NOPCHAP1: variants seen among roughly 807,000 people sequenced by gnomAD.
NOPCHAP1 encodes NOP protein chaperone 1.
A neutral mutation model predicts 14.0 loss-of-function variants in NOPCHAP1; 13 were observed. That is an observed-to-expected ratio of 0.93 (90% confidence interval 0.60 to 1.47). The LOEUF is 1.47. Among genes scored for constraint, NOPCHAP1 ranks in the 40% most tolerant of loss-of-function variants. The probability of loss-of-function intolerance (pLI) is 0.00; values close to 1 mark genes in which losing one functional copy is unlikely to be tolerated. For missense variants in NOPCHAP1, 230 were observed against 226.9 expected (o/e 1.01, Z -0.09); for synonymous variants, 78 against 78.4 (o/e 1.00, Z 0.03).
At position 105,013,912 on chromosome 12, in the gene NOPCHAP1, C is replaced by T. The variant is rs117181545; in HGVS notation, c.*19216C>T. The T allele has an allele frequency of 5.2e-3, 800 of 152,698 alleles. 23 individuals are homozygous for T. In the East Asian group the frequency reaches 0.092, roughly 18 times the overall value. The allele number at this position is 152,698 out of a possible 1,614,324, so 9.5% of individuals were successfully genotyped here. A position where few individuals can be genotyped will look rare whatever the true frequency, so the allele number is the denominator to read the frequency against. On this transcript the variant is annotated 3_prime_UTR_variant, in exon 4 of 4. Transcript: ENST00000552951. ...ACCTCAGTTGGAAATGCAGAAATCG[C>T]TTGCCTTCTGCGTTGATCTCGCTGG...
In NOPCHAP1 at chr12:104,988,096, A is replaced by C. The variant is rs183907501; in HGVS notation, c.116-71A>C. On this transcript the variant is annotated intron_variant, in intron 1 of 3. Coordinates refer to ENST00000552951, the MANE Select transcript of NOPCHAP1 (RefSeq NM_152318.3). ...CAAGTCTTAAGACTGGTCATGTGAG[A>C]GGCTTACTGATGGGCCTTTGTTTTT... The C allele has an allele frequency of 4.7e-5, 58 of 1,235,520 alleles. No individual in the cohort carries two copies. The East Asian group carries it at 9.6e-4, about 20-fold the overall frequency. 76.5% of individuals were successfully genotyped at this position (1,235,520 alleles called of 1,614,324 possible). A position where few individuals can be genotyped will look rare whatever the true frequency, so the allele number is the denominator to read the frequency against.
rs937394808 is a variant in NOPCHAP1, at chr12:105,002,914, TG to T, written c.*8219del. 1.3e-5 allele frequency: 2 copies of T among 152,236 alleles called. No homozygotes were observed. The highest frequency in any genetic ancestry group is 4.8e-5 in the African/African-American group (2 of 41,452). The allele number at this position is 152,236 out of a possible 1,614,324, so 9.4% of individuals were successfully genotyped here. A position where few individuals can be genotyped will look rare whatever the true frequency, so the allele number is the denominator to read the frequency against. On this transcript the variant is annotated 3_prime_UTR_variant, in exon 4 of 4. Transcript: ENST00000552951. The stretch of plus-strand genomic sequence containing the variant: ...AGAGAATCCCATTTTGTAAGGCATT[TG>T]TCTAACTTGCCTTTTCTCATTATCT...
chr12:104,999,160 A>G lies in NOPCHAP1; in HGVS notation c.*4464A>G, dbSNP rs953711556. 2.0e-5 allele frequency: 3 copies of G among 152,284 alleles called. No homozygotes were observed. Among genetic ancestry groups the G allele is most frequent in the African/African-American group, 7.2e-5 (3 of 41,416 alleles). The allele number at this position is 152,284 out of a possible 1,614,324, so 9.4% of individuals were successfully genotyped here. A position where few individuals can be genotyped will look rare whatever the true frequency, so the allele number is the denominator to read the frequency against. The stretch of plus-strand genomic sequence containing the variant: ...GCAGTAGTGGCATGGCCAGGTGCAC[A>G]TGTACCCACACACTGGCAGGAAATT... On this transcript the variant is annotated 3_prime_UTR_variant, in exon 4 of 4. Transcript: ENST00000552951.
chr12:104,992,993 C>T (rs1592748491), intron 3 of NOPCHAP1, among the ~76,000 whole-genome samples: 2 of 152,238 alleles, frequency 1.3e-5, no homozygotes, highest in Admixed American at 6.5e-5. Context: ...TCACTGCAGC[C>T]GGTCTTCTCC....
In NOPCHAP1 at chr12:104,988,990, G is replaced by A. The variant is rs146694732; in HGVS notation, c.202+737G>A. Among the ~76,000 whole-genome samples, 100 of 152,068 alleles carry A rather than the reference G, an allele frequency of 6.6e-4. 2 individuals are homozygous for A. The South Asian group carries it at 0.015, about 23-fold the overall frequency. On this transcript the variant is annotated intron_variant, in intron 2 of 3. Coordinates refer to ENST00000552951, the MANE Select transcript of NOPCHAP1 (RefSeq NM_152318.3). ...ATTACATACCTAGGAGTGGAATTGC[G>A]GGTATATAGAAGGTGTAATTTTTTT...
rs1265138123 is a variant in NOPCHAP1, at chr12:105,011,109, C to CT, written c.*16414dup. On this transcript the variant is annotated 3_prime_UTR_variant, in exon 4 of 4. Coordinates refer to ENST00000552951, the MANE Select transcript of NOPCHAP1 (RefSeq NM_152318.3). ...TCTCCCACTATTATTGTGTGGGAGT[C>CT]TAAGTCTCTTTGTAGGTCTCTAAGA... 3 of 152,148 alleles carry CT rather than the reference C, an allele frequency of 2.0e-5. No individual in the cohort carries two copies. Among genetic ancestry groups the CT allele is most frequent in the Non-Finnish European group, 4.4e-5 (3 of 68,042 alleles). 9.4% of individuals were successfully genotyped at this position (152,148 alleles called of 1,614,324 possible).
chr12:105,009,750 A>T lies in NOPCHAP1; in HGVS notation c.*15054A>T, dbSNP rs1041893759. ...GTGCTTTTTGTCATTGGTTCTGTTT[A>T]TGTGATGGATTATGTTTATTGATTT... is the stretch of plus-strand genomic sequence containing the variant. On this transcript the variant is annotated 3_prime_UTR_variant, in exon 4 of 4. Coordinates refer to ENST00000552951, the MANE Select transcript of NOPCHAP1 (RefSeq NM_152318.3). 2 of 152,170 alleles carry T rather than the reference A, an allele frequency of 1.3e-5. No individual in the cohort carries two copies. Among genetic ancestry groups the T allele is most frequent in the African/African-American group, 4.8e-5 (2 of 41,442 alleles). 9.4% of individuals were successfully genotyped at this position (152,170 alleles called of 1,614,324 possible).
At chr12:104,990,854 T>C (rs1254373203) in intron 2 of NOPCHAP1, among the ~76,000 whole-genome samples, 1 of 152,186 alleles carries the variant, frequency 6.6e-6, no homozygotes, top group East Asian at 1.9e-4. Flanking sequence ...AGAAATTATG[T>C]TGGCTCTTTT....
Position 104,994,818 on chromosome 12 carries a change from T to G in NOPCHAP1, c.*122T>G. ...TGGTGCTTTTATATGTTAAAAACTT[T>G]AGACAAGTTAAATTTGACAGAGTTT... On this transcript the variant is annotated 3_prime_UTR_variant, in exon 4 of 4. Coordinates refer to ENST00000552951, the MANE Select transcript of NOPCHAP1 (RefSeq NM_152318.3). The G allele has an allele frequency of 7.2e-6, 6 of 838,568 alleles. No individual in the cohort carries two copies. In the South Asian group the frequency reaches 9.4e-5, roughly 13 times the overall value. 51.9% of individuals were successfully genotyped at this position (838,568 alleles called of 1,614,324 possible). A position where few individuals can be genotyped will look rare whatever the true frequency, so the allele number is the denominator to read the frequency against.
Position 105,006,313 on chromosome 12 carries a change from A to AT in NOPCHAP1, c.*11623dup, listed in dbSNP as rs1434360347. 1 of 151,888 alleles carries AT rather than the reference A, an allele frequency of 6.6e-6. No homozygotes were observed. The highest frequency in any genetic ancestry group is 2.4e-5 in the African/African-American group (1 of 41,312). The allele number at this position is 151,888 out of a possible 1,614,324, so 9.4% of individuals were successfully genotyped here. ...AGTGTTCTCTTGCATAGCTTTGAAA[A>AT]TTTTTTCCATAGAGTATCATGTATA... is the stretch of plus-strand genomic sequence containing the variant. On this transcript the variant is annotated 3_prime_UTR_variant, in exon 4 of 4. Transcript: ENST00000552951.
chr12:105,002,623 T>C lies in NOPCHAP1; in HGVS notation c.*7927T>C, dbSNP rs1407350766. ...TTTTTCTAGGTCTCATTGGCCCTAC[T>C]CTTGATGAGGTTTTGGGGGAGTCTT... On this transcript the variant is annotated 3_prime_UTR_variant, in exon 4 of 4. Coordinates refer to ENST00000552951, the MANE Select transcript of NOPCHAP1 (RefSeq NM_152318.3). The C allele has an allele frequency of 6.6e-6, 1 of 152,226 alleles. No individual in the cohort carries two copies. Among genetic ancestry groups the C allele is most frequent in the Non-Finnish European group, 1.5e-5 (1 of 68,036 alleles). The allele number at this position is 152,226 out of a possible 1,614,324, so 9.4% of individuals were successfully genotyped here. A position where few individuals can be genotyped will look rare whatever the true frequency, so the allele number is the denominator to read the frequency against.
Position 105,006,346 on chromosome 12 carries a change from T to C in NOPCHAP1, c.*11650T>C, listed in dbSNP as rs939551584. On this transcript the variant is annotated 3_prime_UTR_variant, in exon 4 of 4. Transcript: ENST00000552951. ...CATAGAGTATCATGTATAATGAGCCTTAAAGGTCTTCATGATCCCCTGACC... is the reference window on the plus strand; with the variant it reads ...CATAGAGTATCATGTATAATGAGCCCTAAAGGTCTTCATGATCCCCTGACC... The C allele has an allele frequency of 2.0e-5, 3 of 152,214 alleles. No individual in the cohort carries two copies. The highest frequency in any genetic ancestry group is 7.2e-5 in the African/African-American group (3 of 41,444). 9.4% of individuals were successfully genotyped at this position (152,214 alleles called of 1,614,324 possible).
intron 1 of NOPCHAP1, among the ~76,000 whole-genome samples, chr12:104,987,007 C>T (rs1243023137): frequency 1.3e-5 from 2 of 152,164 alleles, no homozygotes; most frequent in African/African-American, 2.4e-5. Context: ...ATCCCAGCTC[C>T]ACTAGTAATT....
rs1331042587 is a variant in NOPCHAP1 at position 104,992,095 on chromosome 12, A to G, written c.339+247A>G. On this transcript the variant is annotated intron_variant, in intron 3 of 3. Transcript: ENST00000552951. ...AAGCATTAATTTACTCGATGTCCTA[A>G]CTGGGTTTTTTTCTGTCCAAGCCCC... 3.3e-5 allele frequency among the ~76,000 whole-genome samples: 5 copies of G among 152,210 alleles called. No individual in the cohort carries two copies. The East Asian group carries it at 9.6e-4, about 29-fold the overall frequency.
At chr12:104,991,510 A>G (rs1213407022) in intron 2 of NOPCHAP1, among the ~76,000 whole-genome samples, 1 of 152,228 alleles carries the variant, frequency 6.6e-6, no homozygotes, top group Non-Finnish European at 1.5e-5. Context: ...GAGAAACATA[A>G]AACATTTGTG....
rs892862771 is a variant in NOPCHAP1, at chr12:105,009,285, A to G, written c.*14589A>G. ...ATTTGGCTCTCTGTTATTGGTATAT[A>G]GGAATGCTTGTGATTTTTTGCACAT... is the stretch of plus-strand genomic sequence containing the variant. On this transcript the variant is annotated 3_prime_UTR_variant, in exon 4 of 4. Transcript: ENST00000552951. The G allele has an allele frequency of 1.3e-5, 2 of 152,144 alleles. No homozygotes were observed. Among genetic ancestry groups the G allele is most frequent in the African/African-American group, 4.8e-5 (2 of 41,432 alleles). 9.4% of individuals were successfully genotyped at this position (152,144 alleles called of 1,614,324 possible). A position where few individuals can be genotyped will look rare whatever the true frequency, so the allele number is the denominator to read the frequency against.
At position 105,007,621 on chromosome 12, in the gene NOPCHAP1, A is replaced by T. The variant is rs573840285; in HGVS notation, c.*12925A>T. On this transcript the variant is annotated 3_prime_UTR_variant, in exon 4 of 4. Coordinates refer to ENST00000552951, the MANE Select transcript of NOPCHAP1 (RefSeq NM_152318.3). ...TGCTGCCGCCATCAACTTGTCGTCT[A>T]CATTAGGTATTCCTCCTAATACTAT... 3 of 152,218 alleles carry T rather than the reference A, an allele frequency of 2.0e-5. No homozygotes were observed. Among genetic ancestry groups the T allele is most frequent in the Non-Finnish European group, 2.9e-5 (2 of 68,054 alleles). The allele number at this position is 152,218 out of a possible 1,614,324, so 9.4% of individuals were successfully genotyped here.
chr12:105,005,345 G>C lies in NOPCHAP1; in HGVS notation c.*10649G>C, dbSNP rs1252670868. ...AGAGTGCTGGTTAGAGAATTTTCTG[G>C]GGTTTAAATACCCTCTAGAGGTTTC... On this transcript the variant is annotated 3_prime_UTR_variant, in exon 4 of 4. Coordinates refer to ENST00000552951, the MANE Select transcript of NOPCHAP1 (RefSeq NM_152318.3). 2.0e-5 allele frequency: 3 copies of C among 152,220 alleles called. No homozygotes were observed. The highest frequency in any genetic ancestry group is 7.2e-5 in the African/African-American group (3 of 41,448). 9.4% of individuals were successfully genotyped at this position (152,220 alleles called of 1,614,324 possible).
chr12:104,992,313 C>T (rs990762015), intron 3 of NOPCHAP1, among the ~76,000 whole-genome samples: 3 of 152,208 alleles, frequency 2.0e-5, no homozygotes, highest in African/African-American at 7.2e-5. Flanking sequence ...ATATCTAATT[C>T]ATTAGCCATT....
Sources: gnomAD v4.1 joint callset for allele counts (sites outside exome capture counted in the v4.1 genomes callset) on GRCh38, gnomAD v4.1.1 for gene constraint, MANE v1.5 for transcripts, NCBI Gene and HGNC (gene_info 2026-07-23, HGNC 2026-07-21) for gene names.